Variants in RUNX3 observed in about 807,000 individuals in gnomAD.
The protein encoded by RUNX3 is RUNX family transcription factor 3.
RUNX3 carries 10 observed loss-of-function variants against 27.7 expected under a neutral mutation model. The ratio of observed to expected loss-of-function variants is 0.36; its 90% CI spans 0.22 to 0.61. The LOEUF (loss-of-function observed/expected upper bound fraction) is 0.61, where lower values mean the gene tolerates loss of function less well. RUNX3 is among the 20% of genes least tolerant of loss of function. The pLI is 0.72. For synonymous variants in RUNX3, 270 were observed against 269.2 expected, an observed-to-expected ratio of 1.00 and a Z score of -0.03; for missense variants, 469 against 629.5, an observed-to-expected ratio of 0.75 and a Z score of 2.73.
At chr1:24,910,146 G>A (rs773873657) in intron 3 of RUNX3, among the ~76,000 whole-genome samples, 1 of 152,050 alleles carries the variant, frequency 6.6e-6, no homozygotes, top group Non-Finnish European at 1.5e-5. Context: ...AAAATTAGCC[G>A]GGCGTGGTGG....
At position 24,901,992 on chromosome 1, in the gene RUNX3, G is replaced by C; in HGVS notation, c.*130C>G. ...GCAGCCAGAGGCTCCCACCAGCTGGGACCACCCTGGGACCGAGACCACCCT... is the reference window on the plus strand; with the variant it reads ...GCAGCCAGAGGCTCCCACCAGCTGGCACCACCCTGGGACCGAGACCACCCT... On this transcript the variant is annotated 3_prime_UTR_variant, in exon 5 of 5. Transcript: ENST00000308873. 1 of 859,170 alleles carries C rather than the reference G, an allele frequency of 1.2e-6. No individual in the cohort carries two copies. Among genetic ancestry groups the C allele is most frequent in the East Asian group, 2.7e-5 (1 of 37,310 alleles). 53.2% of individuals were successfully genotyped at this position (859,170 alleles called of 1,614,324 possible).
At chr1:24,963,332 G>A (rs1036302421) in intron 2 of RUNX3, among the ~76,000 whole-genome samples, 2 of 152,178 alleles carry the variant, frequency 1.3e-5, no homozygotes, top group African/African-American at 4.8e-5. Flanking sequence ...TCAGCCAGCG[G>A]CAGGGCAGGC....
intron 3 of RUNX3, among the ~76,000 whole-genome samples, chr1:24,914,212 C>T (rs546086606): frequency 6.8e-4 from 104 of 152,326 alleles, no homozygotes; most frequent in Non-Finnish European, 1.2e-3. Context: ...AAAGCAGAGT[C>T]GGGCAGGGCC....
Position 24,902,899 on chromosome 1 carries a change from G to GC in RUNX3, c.704-234dup, listed in dbSNP as rs34296216. 0.08 allele frequency among the ~76,000 whole-genome samples: 12,252 copies of GC among 152,202 alleles called. 682 individuals carry two copies. The highest frequency in any genetic ancestry group is 0.12 in the Non-Finnish European group (8,489 of 67,982). ...CCCCGGGCCAAGAGGGGCCATGGGA[G>GC]CCCCCCCACAGCAGCAACAGAACAG... On this transcript the variant is annotated intron_variant, in intron 4 of 4. Coordinates refer to ENST00000308873, the MANE Select transcript of RUNX3 (RefSeq NM_004350.3). This position sits in a 1 kb window ranked among gnomAD's most constrained non-coding sequence, Gnocchi z 9.2.
At chr1:24,958,191 C>A (rs569323547) in intron 2 of RUNX3, among the ~76,000 whole-genome samples, 1 of 152,108 alleles carries the variant, frequency 6.6e-6, no homozygotes, top group East Asian at 1.9e-4. Context: ...CACAGTTGCT[C>A]CTCCCAACCA....
At chr1:24,932,270 G>A (rs1188002682), upstream of RUNX3, among the ~76,000 whole-genome samples, 1 of 146,438 alleles carries the variant, frequency 6.8e-6, no homozygotes, top group Non-Finnish European at 1.5e-5. Context: ...CACGGCTCCG[G>A]CTCTCCGTAG....
upstream of RUNX3, among the ~76,000 whole-genome samples, chr1:24,931,619 C>T (rs1372751429): frequency 6.6e-6 from 1 of 152,214 alleles, no homozygotes; most frequent in Non-Finnish European, 1.5e-5. Context: ...GAATTCCAAG[C>T]CTCGGAAGCA....
At chr1:24,910,476 G>A (rs1293820731) in intron 3 of RUNX3, among the ~76,000 whole-genome samples, 2 of 152,078 alleles carry the variant, frequency 1.3e-5, no homozygotes, top group African/African-American at 4.8e-5. Context: ...CTGGGGACTC[G>A]AAAAGTGGGA....
intron 2 of RUNX3, among the ~76,000 whole-genome samples, chr1:24,941,324 G>A (rs1641474696): frequency 6.6e-6 from 1 of 152,206 alleles, no homozygotes; most frequent in African/African-American, 2.4e-5. Context: ...AAGGGGCAGA[G>A]CTGGGATTTG....
chr1:24,934,647 T>C (rs991494570), upstream of RUNX3, among the ~76,000 whole-genome samples: 3 of 152,158 alleles, frequency 2.0e-5, no homozygotes, highest in African/African-American at 7.2e-5. Flanking sequence ...GTTATGCCCA[T>C]GTAAGCAAAG....
chr1:24,938,627 C>G (rs922377442), intron 2 of RUNX3, among the ~76,000 whole-genome samples: 6 of 152,186 alleles, frequency 3.9e-5, no homozygotes, highest in African/African-American at 1.4e-4. Flanking sequence ...GCTTGAATGT[C>G]TCCCAAAAGT....
At chr1:24,951,186 CAG>C in intron 2 of RUNX3, among the ~76,000 whole-genome samples, 1 of 115,922 alleles carries the variant, frequency 8.6e-6, no homozygotes, top group East Asian at 2.5e-4. Flanking sequence ...AGTCTGGCAA[CAG>C]AGAGAGACTC....
chr1:24,919,664 G>A (rs1009037008), intron 2 of RUNX3, among the ~76,000 whole-genome samples: 1 of 152,018 alleles, frequency 6.6e-6, no homozygotes, highest in Non-Finnish European at 1.5e-5. Context: ...TGGGGAGCAG[G>A]ATGGGTATAT....
chr1:24,939,690 G>T (rs776550157), intron 2 of RUNX3, among the ~76,000 whole-genome samples: 43 of 152,212 alleles, frequency 2.8e-4, no homozygotes, highest in Admixed American at 1.1e-3. Flanking sequence ...TGGGTGGTTT[G>T]CCCCCCTGGG....
chr1:24,933,977 G>A (rs1641290003), upstream of RUNX3, among the ~76,000 whole-genome samples: 1 of 152,190 alleles, frequency 6.6e-6, no homozygotes, highest in Non-Finnish European at 1.5e-5. Flanking sequence ...GAACTCAAAG[G>A]GGACATTCAT....
intron 2 of RUNX3, among the ~76,000 whole-genome samples, chr1:24,946,378 C>T (rs1033104642): frequency 2.0e-5 from 3 of 150,958 alleles, no homozygotes; most frequent in East Asian, 1.9e-4. Context: ...TTCTCTTCCC[C>T]GCCCTCCCTC....
intron 3 of RUNX3, among the ~76,000 whole-genome samples, chr1:24,914,781 A>G (rs953890709): frequency 6.6e-6 from 1 of 152,056 alleles, no homozygotes. Flanking sequence ...CAGAAACTCT[A>G]AGGCCTTCAA....
intron 1 of RUNX3, among the ~76,000 whole-genome samples, chr1:24,928,153 C>T (rs1017943298): frequency 6.6e-6 from 1 of 152,230 alleles, no homozygotes; most frequent in Non-Finnish European, 1.5e-5. Flanking sequence ...AACAACAGGG[C>T]TGCTACCCCC....
Position 24,902,209 on chromosome 1 carries a change from G to A in RUNX3, c.1161C>T (p.Gly387=), listed in dbSNP as rs894902748. The change falls in exon 5 of 5, where the codon GGC becomes GGT. Residue 387 remains glycine, a synonymous_variant. Transcript: ENST00000308873. This position sits in a 1 kb window ranked among gnomAD's most constrained non-coding sequence, Gnocchi z 9.2. Reference sequence around the variant, plus strand: ...TGCTGTGGCTGCCGTCGGCCTCCACGCCATCACTCTGGCCGCCCAGGCTGG... The same window carrying A: ...TGCTGTGGCTGCCGTCGGCCTCCACACCATCACTCTGGCCGCCCAGGCTGG... ...MNPSLGGQSD[G]VEADGSHSNS... 7.0e-6 allele frequency: 11 copies of A among 1,570,390 alleles called. No homozygotes were observed. The Admixed American group carries it at 1.1e-4, about 16-fold the overall frequency.
Sources: allele counts gnomAD v4.1 joint callset (sites outside exome capture counted in the v4.1 genomes callset), GRCh38; gene constraint gnomAD v4.1.1; non-coding constraint Gnocchi (gnomAD v3.1); transcripts MANE v1.5; gene names NCBI Gene and HGNC (gene_info 2026-07-23, HGNC 2026-07-21).